The following ADAMTS9 variants were observed in gnomAD, a reference collection of about 807,000 sequenced individuals.
ADAMTS9 encodes A disintegrin and metalloproteinase with thrombospondin motifs 9.
A neutral mutation model predicts 257.1 loss-of-function variants in ADAMTS9; 107 were observed. That is an observed-to-expected ratio of 0.42 (90% CI 0.36 to 0.49). ADAMTS9 has a LOEUF of 0.49. Among genes scored for constraint, ADAMTS9 ranks in the 20% least tolerant of loss-of-function variants. ADAMTS9 has a pLI of 0.03. For missense variants in ADAMTS9, 2,353 were observed against 2,469.1 expected (o/e 0.95, Z 1.00); for synonymous variants, 982 against 880.9 (o/e 1.11, Z -2.03).
chr3:64,517,709 T>C (rs60420178), intron 39 of ADAMTS9, among the ~76,000 whole-genome samples: 2,354 of 152,070 alleles, frequency 0.015, 47 homozygotes, highest in African/African-American at 0.054. Flanking sequence ...TTCCTTCTAG[T>C]CTTTTTTCTA....
At chr3:64,613,598 T>C in intron 21 of ADAMTS9, 89 bp from the exon 22 acceptor site, 2 of 1,318,624 alleles carry the variant, frequency 1.5e-6, no homozygotes, top group Non-Finnish European at 2.0e-6. Context: ...GGAACAGGTG[T>C]GTCCTTTTCC....
At position 64,643,445 on chromosome 3, in the gene ADAMTS9, ATTTTTTT is replaced by A. The variant is rs57471985; in HGVS notation, c.1711-1459_1711-1453del. Among the ~76,000 whole-genome samples the A allele has an allele frequency of 2.6e-3, 159 of 61,434 alleles. 4 individuals carry two copies. Among genetic ancestry groups the A allele is most frequent in the African/African-American group, 9.6e-3 (137 of 14,280 alleles). 40.3% of individuals were successfully genotyped at this position (61,434 alleles called of 152,430 possible). A position where few individuals can be genotyped will look rare whatever the true frequency, so the allele number is the denominator to read the frequency against. Reference sequence around the variant, plus strand: ...GTAGTCAACATAACATTACTCAATAATTTTTTTTTTTTTTTTTTTTTTTTTGAGACAG... The same window carrying A: ...GTAGTCAACATAACATTACTCAATAATTTTTTTTTTTTTTTTTTGAGACAG... On this transcript the variant is annotated intron_variant, in intron 11 of 39. Coordinates refer to ENST00000498707, the MANE Select transcript of ADAMTS9 (RefSeq NM_182920.2).
chr3:64,565,815 G>A (rs1365242020), intron 29 of ADAMTS9: 2 of 152,064 alleles, frequency 1.3e-5, no homozygotes, highest in Non-Finnish European at 2.9e-5. Context: ...TTTTTGGAGA[G>A]AGAAAAACCC....
chr3:64,648,041 G>A lies in ADAMTS9; in HGVS notation c.1609C>T (p.Gln537Ter). The stretch of plus-strand genomic sequence containing the variant: ...TTATTGCACCAGAGCCGTCTGCACT[G>A]CATCTGCTCAATTCAATGAAATGGC... ...PGSQVCPYMM[Q>*]CRRLWCNNVN... is the part of the protein sequence containing the mutation. The change falls in exon 11 of 40, where the codon CAG (glutamine) becomes TAG (stop). Residue 537 changes from glutamine to a stop codon, truncating the protein, a stop_gained. Coordinates refer to ENST00000498707, the MANE Select transcript of ADAMTS9 (RefSeq NM_182920.2). LOFTEE classifies it high-confidence loss of function. 1.2e-6 allele frequency: 2 copies of A among 1,608,980 alleles called. No homozygotes were observed. The highest frequency in any genetic ancestry group is 8.5e-7 in the Non-Finnish European group (1 of 1,178,700).
At chr3:64,598,531 A>G (rs1439866385) in intron 26 of ADAMTS9, among the ~76,000 whole-genome samples, 1 of 151,950 alleles carries the variant, frequency 6.6e-6, no homozygotes, top group Non-Finnish European at 1.5e-5. Context: ...TGTTGCCCCA[A>G]CTGGTCTCGA....
At chr3:64,522,553 T>A in intron 38 of ADAMTS9, 1 of 245,714 alleles carries the variant, frequency 4.1e-6, no homozygotes, top group Non-Finnish European at 7.9e-6. Context: ...TAAAATCATA[T>A]GAAATTCAAA....
chr3:64,669,008 T>G (rs1484533311), intron 3 of ADAMTS9, among the ~76,000 whole-genome samples: 1 of 152,182 alleles, frequency 6.6e-6, no homozygotes, highest in Non-Finnish European at 1.5e-5. Context: ...ACAATGTCCA[T>G]GTTCCATGAC....
In ADAMTS9 at chr3:64,687,648, C is replaced by G. The variant is rs920771493; in HGVS notation, c.10G>C (p.Val4Leu). The G allele has an allele frequency of 1.3e-6, 2 of 1,562,806 alleles. No homozygotes were observed. Among genetic ancestry groups the G allele is most frequent in the Non-Finnish European group, 1.7e-6 (2 of 1,155,130 alleles). The change falls in exon 1 of 40, where the codon GTA (valine) becomes CTA (leucine). Residue 4 changes from valine to leucine, a missense_variant. Physicochemically the swap from Val to Leu is conservative, Grantham distance 32. Transcript: ENST00000498707. The surrounding 1 kb of genome is among the most constrained non-coding windows in gnomAD (Gnocchi z 4.4). The part of the protein sequence containing the change: MQF[V>L]SWATLLTLLV... ...AGCGTTAGCAGTGTGGCCCAGGATA[C>G]AAACTGCATGGTGCTTCCCACCCCT...
chr3:64,685,993 G>A (rs1323822245), intron 2 of ADAMTS9, among the ~76,000 whole-genome samples: 1 of 152,226 alleles, frequency 6.6e-6, no homozygotes, highest in Non-Finnish European at 1.5e-5. Context: ...CCGTTCCTGG[G>A]ACGGGACCTG....
chr3:64,681,636 T>C (rs548957443), intron 2 of ADAMTS9, among the ~76,000 whole-genome samples: 1 of 152,316 alleles, frequency 6.6e-6, no homozygotes, highest in South Asian at 2.1e-4. Context: ...CTTGAACTCC[T>C]GGGCTCAAGC....
chr3:64,527,440 G>C (rs2106880818), intron 38 of ADAMTS9, among the ~76,000 whole-genome samples: 1 of 152,240 alleles, frequency 6.6e-6, no homozygotes, highest in Middle Eastern at 3.4e-3. Context: ...ATTTAAAGTT[G>C]TCAGAGGATG....
intron 26 of ADAMTS9, among the ~76,000 whole-genome samples, chr3:64,601,452 A>T (rs1048939753): frequency 5.3e-5 from 8 of 152,170 alleles, no homozygotes; most frequent in Non-Finnish European, 7.4e-5. Flanking sequence ...CCTAAGCACA[A>T]ATCTTACCTA....
At chr3:64,632,467 CG>C (rs1172692220) in intron 14 of ADAMTS9, among the ~76,000 whole-genome samples, 1 of 152,126 alleles carries the variant, frequency 6.6e-6, no homozygotes, top group Non-Finnish European at 1.5e-5. Context: ...AAATCCCATA[CG>C]TTTAAATATT....
At chr3:64,549,258 C>G (rs1316812405) in intron 31 of ADAMTS9, among the ~76,000 whole-genome samples, 1 of 152,096 alleles carries the variant, frequency 6.6e-6, no homozygotes, top group African/African-American at 2.4e-5. Context: ...GGAAGGCTTC[C>G]TTTTTTCTTT....
chr3:64,516,588 T>A lies in ADAMTS9; in HGVS notation c.*539A>T, dbSNP rs2082777914. On this transcript the variant is annotated 3_prime_UTR_variant, in exon 40 of 40. Coordinates refer to ENST00000498707, the MANE Select transcript of ADAMTS9 (RefSeq NM_182920.2). ...TTCCCAGAGATCACATGAAACTGAA[T>A]ACTTATTTAACATAGTTAATAGTTG... 6.6e-6 allele frequency: 1 copy of A among 152,652 alleles called. No individual in the cohort carries two copies. The highest frequency in any genetic ancestry group is 1.9e-4 in the East Asian group (1 of 5,198). 9.5% of individuals were successfully genotyped at this position (152,652 alleles called of 1,614,324 possible).
In ADAMTS9 at chr3:64,655,712, T is replaced by C. The variant is rs373150427; in HGVS notation, c.1054-21A>G. ...CCATCCTAAATACAGAGAAGAATTATGGTTAATCTGTTGTACCGATCCCAA... is the reference window on the plus strand; with the variant it reads ...CCATCCTAAATACAGAGAAGAATTACGGTTAATCTGTTGTACCGATCCCAA... On this transcript the variant is annotated intron_variant, in intron 5 of 39. Transcript: ENST00000498707. 118 of 1,604,386 alleles carry C rather than the reference T, an allele frequency of 7.4e-5. No homozygotes were observed. The African/African-American group carries it at 1.1e-3, about 14-fold the overall frequency.
At position 64,622,471 on chromosome 3, in the gene ADAMTS9, G is replaced by T. The variant is rs142920929; in HGVS notation, c.2505C>A (p.Ala835=). Residue 835 remains alanine (A), a synonymous_variant, in exon 17 of 40, where the codon GCC becomes GCA. Transcript: ENST00000498707. ...GATCTGTTGAGTTAATTCTTTCTACGGCAGTCTCGGACCCACTGTACTCTA... is the reference window on the plus strand; with the variant it reads ...GATCTGTTGAGTTAATTCTTTCTACTGCAGTCTCGGACCCACTGTACTCTA... The part of the protein sequence containing the change: ...AVVEYSGSET[A]VERINSTDRI... 6.2e-7 allele frequency: 1 copy of T among 1,613,992 alleles called. No homozygotes were observed. Among genetic ancestry groups the T allele is most frequent in the South Asian group, 1.1e-5 (1 of 91,074 alleles).
At position 64,615,858 on chromosome 3, in the gene ADAMTS9, T is replaced by C. The variant is rs2084752201; in HGVS notation, c.3024+102A>G. 8.8e-6 allele frequency: 12 copies of C among 1,365,208 alleles called. 1 individual carries two copies. The South Asian group carries it at 1.3e-4, about 15-fold the overall frequency. The allele number at this position is 1,365,208 out of a possible 1,614,324, so 84.6% of individuals were successfully genotyped here. The stretch of plus-strand genomic sequence containing the variant: ...AGGCATTACAAATCAATCACGGTCA[T>C]CTCTTCCGCACAGCCTAAATGGGGC... On this transcript the variant is annotated intron_variant, in intron 20 of 39. Transcript: ENST00000498707.
intron 20 of ADAMTS9, 132 bp downstream of exon 20, chr3:64,615,826 TGG>T (rs2084751453): frequency 1.9e-6 from 2 of 1,051,554 alleles, no homozygotes; most frequent in Non-Finnish European, 2.8e-6. Flanking sequence ...AAAGCTTGAA[TGG>T]GGTCAGGCAT....
Sources: gnomAD v4.1 joint callset for allele counts (sites outside exome capture counted in the v4.1 genomes callset) on GRCh38, gnomAD v4.1.1 for gene constraint, Gnocchi (gnomAD v3.1) non-coding constraint, MANE v1.5 for transcripts, NCBI Gene and HGNC (gene_info 2026-07-23, HGNC 2026-07-21) for gene names.